Variants in FXN observed in about 807,000 individuals in gnomAD.
The protein encoded by FXN is frataxin, mitochondrial.
FXN carries 14 observed loss-of-function variants against 22.4 expected under a neutral mutation model. The ratio of observed to expected loss-of-function variants is 0.62; its 90% CI spans 0.41 to 0.98. FXN has a LOEUF of 0.98. Ranked by LOEUF, FXN falls within the 50% of genes least tolerant of loss-of-function variation. The probability of loss-of-function intolerance (pLI) is 0.00; values close to 1 mark genes in which losing one functional copy is unlikely to be tolerated. For synonymous variants in FXN, 120 were observed against 114.1 expected, an observed-to-expected ratio of 1.05 and a Z score of -0.33; for missense variants, 267 against 268.4, an observed-to-expected ratio of 0.99 and a Z score of 0.04.
intron 4 of FXN, among the ~76,000 whole-genome samples, chr9:69,072,155 A>C (rs1193811192): frequency 6.6e-6 from 1 of 152,232 alleles, no homozygotes. Context: ...GTGGTTGCAC[A>C]ACATTGTAAA....
rs1832355910 is a variant in FXN, at chr9:69,075,818, C to T, written c.*3056C>T. The T allele has an allele frequency of 1.4e-6, 1 of 693,304 alleles. No individual in the cohort carries two copies. The highest frequency in any genetic ancestry group is 2.0e-5 in the African/African-American group (1 of 51,166). The allele number at this position is 693,304 out of a possible 1,614,324, so 42.9% of individuals were successfully genotyped here. On this transcript the variant is annotated 3_prime_UTR_variant, in exon 5 of 5. Transcript: ENST00000484259. ...CAATCAAAGCTCATGGCAGCCTCGA[C>T]CTCCCTGGGCTTGGGCAATCCTCCC...
At chr9:69,040,876 C>T (rs907558033) in intron 1 of FXN, among the ~76,000 whole-genome samples, 2 of 152,064 alleles carry the variant, frequency 1.3e-5, no homozygotes, top group South Asian at 2.1e-4. Context: ...AATAGCCCAA[C>T]GGAGCCCAGT....
chr9:69,039,831 C>G (rs1462448593), intron 1 of FXN, among the ~76,000 whole-genome samples: 1 of 152,184 alleles, frequency 6.6e-6, no homozygotes, highest in Non-Finnish European at 1.5e-5. Flanking sequence ...TTTCTTCTTA[C>G]TGCTCTGGAG....
Position 69,035,824 on chromosome 9 carries a change from G to C in FXN, c.42G>C (p.Ala14=). 1 of 1,512,804 alleles carries C rather than the reference G, an allele frequency of 6.6e-7. No homozygotes were observed. The highest frequency in any genetic ancestry group is 8.8e-7 in the Non-Finnish European group (1 of 1,137,446). 93.7% of individuals were successfully genotyped at this position (1,512,804 alleles called of 1,614,324 possible). The change falls in exon 1 of 5, where the codon GCG becomes GCC. Residue 14 remains alanine (A), a synonymous_variant. Coordinates refer to ENST00000484259, the MANE Select transcript of FXN (RefSeq NM_000144.5). ...GCCGCGCAGTAGCCGGCCTCCTGGC[G>C]TCACCCAGCCCAGCCCAGGCCCAGA... ...LGRRAVAGLL[A]SPSPAQAQTL... is the part of the protein sequence containing the mutation.
intron 3 of FXN, 84 bp from the exon 4 acceptor site, chr9:69,064,854 G>A (rs537164121): frequency 2.5e-6 from 2 of 793,900 alleles, no homozygotes; most frequent in African/African-American, 3.4e-5. Flanking sequence ...AAAGTGTTGA[G>A]ATAAAACATG....
At position 69,076,997 on chromosome 9, in the gene FXN, C is replaced by T; in HGVS notation, c.*4235C>T. 1.3e-6 allele frequency: 1 copy of T among 754,094 alleles called. No individual in the cohort carries two copies. The highest frequency in any genetic ancestry group is 1.3e-4 in the East Asian group (1 of 7,768). The allele number at this position is 754,094 out of a possible 1,614,324, so 46.7% of individuals were successfully genotyped here. A position where few individuals can be genotyped will look rare whatever the true frequency, so the allele number is the denominator to read the frequency against. ...TGGCACGATCTGGGCTCACTACAAC[C>T]TCCGCCTCCTGGGTTCAAGCAATTC... On this transcript the variant is annotated 3_prime_UTR_variant, in exon 5 of 5. Coordinates refer to ENST00000484259, the MANE Select transcript of FXN (RefSeq NM_000144.5).
chr9:69,078,131 T>A lies in FXN; in HGVS notation c.*5369T>A. On this transcript the variant is annotated 3_prime_UTR_variant, in exon 5 of 5. Coordinates refer to ENST00000484259, the MANE Select transcript of FXN (RefSeq NM_000144.5). ...AAATCCCTCCAAAGCTCAAAAGTAA[T>A]AGAAACAGATGAGTTTGGAGTCAGG... is the stretch of plus-strand genomic sequence containing the variant. 4.1e-6 allele frequency: 4 copies of A among 985,346 alleles called. No individual in the cohort carries two copies. The highest frequency in any genetic ancestry group is 4.8e-6 in the Non-Finnish European group (4 of 829,900). The allele number at this position is 985,346 out of a possible 1,614,324, so 61.0% of individuals were successfully genotyped here. A position where few individuals can be genotyped will look rare whatever the true frequency, so the allele number is the denominator to read the frequency against.
Position 69,052,941 on chromosome 9 carries a change from C to A in FXN, c.264-199C>A, listed in dbSNP as rs114541544. On this transcript the variant is annotated intron_variant, in intron 2 of 4. Transcript: ENST00000484259. The stretch of plus-strand genomic sequence containing the variant: ...GGTGGATCACTTGATGTCACGAGTT[C>A]AGACCAGCCACTGCACTCCAGCCTG... 2.1e-3 allele frequency among the ~76,000 whole-genome samples: 310 copies of A among 145,504 alleles called. 4 individuals are homozygous for A. Among genetic ancestry groups the A allele is most frequent in the African/African-American group, 7.5e-3 (296 of 39,228 alleles).
chr9:69,070,097 T>G (rs1475971342), intron 4 of FXN, among the ~76,000 whole-genome samples: 2 of 151,924 alleles, frequency 1.3e-5, no homozygotes, highest in Admixed American at 1.3e-4. Flanking sequence ...GGTGTGGTGA[T>G]GCATGCCTGT....
At chr9:69,041,963 C>G (rs1472430895) in intron 1 of FXN, among the ~76,000 whole-genome samples, 1 of 152,174 alleles carries the variant, frequency 6.6e-6, no homozygotes, top group East Asian at 1.9e-4. Flanking sequence ...CTCATCATGG[C>G]CAGGTGCGGT....
intron 3 of FXN, among the ~76,000 whole-genome samples, chr9:69,062,009 G>A (rs946031953): frequency 3.3e-5 from 5 of 152,254 alleles, no homozygotes; most frequent in South Asian, 2.1e-4. Flanking sequence ...TAACGGGTGC[G>A]GGGTTTCTTT....
intron 4 of FXN, among the ~76,000 whole-genome samples, chr9:69,068,310 T>C (rs1832210264): frequency 6.6e-6 from 1 of 152,232 alleles, no homozygotes; most frequent in African/African-American, 2.4e-5. Flanking sequence ...ATAATGTCAC[T>C]TTCTGTTTGC....
In FXN at chr9:69,077,447, T is replaced by G. The variant is rs1397733932; in HGVS notation, c.*4685T>G. The G allele has an allele frequency of 1.0e-6, 1 of 985,432 alleles. No individual in the cohort carries two copies. The highest frequency in any genetic ancestry group is 1.2e-6 in the Non-Finnish European group (1 of 829,922). 61.0% of individuals were successfully genotyped at this position (985,432 alleles called of 1,614,324 possible). A position where few individuals can be genotyped will look rare whatever the true frequency, so the allele number is the denominator to read the frequency against. ...AAATGTTTATTAGCTGAAGATTTAT[T>G]TAGACAGTTGAGGAAAACATCAGCA... On this transcript the variant is annotated 3_prime_UTR_variant, in exon 5 of 5. Transcript: ENST00000484259.
At position 69,035,952 on chromosome 9, in the gene FXN, G is replaced by C. The variant is rs150676454; in HGVS notation, c.165+5G>C. 18 of 1,461,422 alleles carry C rather than the reference G, an allele frequency of 1.2e-5. No individual in the cohort carries two copies. Among genetic ancestry groups the C allele is most frequent in the East Asian group, 9.0e-5 (3 of 33,168 alleles). 90.5% of individuals were successfully genotyped at this position (1,461,422 alleles called of 1,614,324 possible). A position where few individuals can be genotyped will look rare whatever the true frequency, so the allele number is the denominator to read the frequency against. On this transcript the variant is annotated splice_donor_5th_base_variant and intron_variant, in intron 1 of 4. Coordinates refer to ENST00000484259, the MANE Select transcript of FXN (RefSeq NM_000144.5). ...ACCTGCACGCCCCGCCGCGCAGTAA[G>C]TATCCGCGCCGGGAACAGCCGCGGG...
intron 4 of FXN, among the ~76,000 whole-genome samples, 169 bp from the exon 5 acceptor site, chr9:69,072,443 A>G (rs533025860): frequency 2.6e-5 from 4 of 151,958 alleles, no homozygotes; most frequent in South Asian, 2.1e-4. Flanking sequence ...GATATATCGT[A>G]TAACTCTTCT....
intron 1 of FXN, among the ~76,000 whole-genome samples, chr9:69,037,807 G>C (rs941089998): frequency 9.2e-5 from 14 of 152,198 alleles, no homozygotes; most frequent in Non-Finnish European, 2.9e-5. Flanking sequence ...CGAGTAGCTG[G>C]GATTATCGGC....
At chr9:69,057,025 G>A (rs1831972943) in intron 3 of FXN, among the ~76,000 whole-genome samples, 1 of 151,922 alleles carries the variant, frequency 6.6e-6, no homozygotes, top group African/African-American at 2.4e-5. Flanking sequence ...ATTACAGGCA[G>A]CTCCAAAGTG....
At chr9:69,050,179 C>T (rs1672938360) in intron 2 of FXN, among the ~76,000 whole-genome samples, 1 of 152,194 alleles carries the variant, frequency 6.6e-6, no homozygotes, top group South Asian at 2.1e-4. Context: ...GTATTTCTTT[C>T]TATCACAATG....
At chr9:69,053,114 T>C in intron 2 of FXN, 26 bp from the exon 3 acceptor site, 1 of 1,611,258 alleles carries the variant, frequency 6.2e-7, no homozygotes, top group Non-Finnish European at 8.5e-7. Context: ...GGTAATCATG[T>C]TTTGGGTTTT....
Sources: gnomAD v4.1 joint callset for allele counts (sites outside exome capture counted in the v4.1 genomes callset) on GRCh38, gnomAD v4.1.1 for gene constraint, MANE v1.5 for transcripts, NCBI Gene and HGNC (gene_info 2026-07-23, HGNC 2026-07-21) for gene names.